CSNK1G3: variants seen among roughly 807,000 people sequenced by gnomAD.
CSNK1G3 encodes the protein casein kinase 1 gamma 3, also known as casein kinase I isoform gamma-3.
CSNK1G3 carries 23 observed loss-of-function variants against 64.3 expected under a neutral mutation model. The observed-to-expected ratio is 0.36, with a 90% confidence interval of 0.26 to 0.51. The LOEUF is 0.51. Ranked by LOEUF, CSNK1G3 falls within the 20% of genes least tolerant of loss-of-function variation. CSNK1G3 has a pLI of 0.96. For missense variants in CSNK1G3, 357 were observed against 510.5 expected (o/e 0.70, Z 2.90); for synonymous variants, 158 against 162.2 (o/e 0.97, Z 0.20).
intron 9 of CSNK1G3, 105 bp downstream of exon 9, chr5:123,590,663 G>C (rs1792170512): frequency 1.4e-6 from 1 of 728,062 alleles, no homozygotes; most frequent in Admixed American, 3.1e-5. Flanking sequence ...TGTTTTAAAG[G>C]ATTCATTTTA....
intron 12 of CSNK1G3, among the ~76,000 whole-genome samples, chr5:123,606,783 A>G (rs1308031173): frequency 6.6e-6 from 1 of 152,140 alleles, no homozygotes; most frequent in East Asian, 1.9e-4. Context: ...AATAAAATCT[A>G]TTACATTTAT....
chr5:123,590,544 A>G (rs1792145515), exon 9 of CSNK1G3: 3 of 1,510,752 alleles, frequency 2.0e-6, no homozygotes, highest in South Asian at 1.4e-5. Flanking sequence ...ATATGACTGG[A>G]TTGGTAAACA....
intron 6 of CSNK1G3, among the ~76,000 whole-genome samples, chr5:123,587,129 T>C (rs1002519396): frequency 6.6e-6 from 1 of 152,180 alleles, no homozygotes; most frequent in Non-Finnish European, 1.5e-5. Flanking sequence ...TCAACAAGTA[T>C]AGAATGTTTA....
intron 4 of CSNK1G3, among the ~76,000 whole-genome samples, chr5:123,565,006 A>C (rs1786550381): frequency 6.6e-6 from 1 of 152,214 alleles, no homozygotes; most frequent in Non-Finnish European, 1.5e-5. Flanking sequence ...CCATATTAGA[A>C]ATTAACACAG....
intron 1 of CSNK1G3, among the ~76,000 whole-genome samples, chr5:123,539,685 T>G (rs1379408662): frequency 6.6e-6 from 1 of 152,230 alleles, no homozygotes; most frequent in East Asian, 1.9e-4. Flanking sequence ...AGGATTGTGC[T>G]GATCTCACAA....
At chr5:123,587,953 A>T in intron 6 of CSNK1G3, 115 bp from the exon 7 acceptor site, 2 of 637,482 alleles carry the variant, frequency 3.1e-6, no homozygotes, top group Non-Finnish European at 5.4e-6. Context: ...TGTATTTTGT[A>T]TTTATATGTT....
intron 1 of CSNK1G3, among the ~76,000 whole-genome samples, chr5:123,532,842 G>A (rs1024089749): frequency 1.3e-4 from 19 of 151,964 alleles, no homozygotes; most frequent in Non-Finnish European, 2.8e-4. Flanking sequence ...AGAAATATAA[G>A]CAATAGTCTC....
intron 1 of CSNK1G3, among the ~76,000 whole-genome samples, chr5:123,519,481 T>A (rs1777728211): frequency 6.6e-6 from 1 of 152,234 alleles, no homozygotes. Flanking sequence ...GCCATTTAAT[T>A]TTACATTAAA....
intron 1 of CSNK1G3, among the ~76,000 whole-genome samples, chr5:123,519,530 A>C (rs1437359436): frequency 1.3e-5 from 2 of 151,836 alleles, no homozygotes; most frequent in Admixed American, 1.3e-4. Flanking sequence ...TTTTTTCTGC[A>C]TTGTTGCTTT....
intron 4 of CSNK1G3, among the ~76,000 whole-genome samples, chr5:123,568,486 T>A (rs1428037112): frequency 6.6e-6 from 1 of 152,208 alleles, no homozygotes; most frequent in African/African-American, 2.4e-5. Flanking sequence ...GATGTTTTTT[T>A]AAAAAATGTT....
intron 12 of CSNK1G3, among the ~76,000 whole-genome samples, chr5:123,606,191 T>C (rs899223599): frequency 2.0e-5 from 3 of 152,140 alleles, no homozygotes; most frequent in Admixed American, 1.3e-4. Flanking sequence ...GAATCCATTT[T>C]AATCACTTTT....
intron 10 of CSNK1G3, among the ~76,000 whole-genome samples, chr5:123,596,680 T>G (rs2151050483): frequency 6.6e-6 from 1 of 152,280 alleles, no homozygotes; most frequent in Non-Finnish European, 1.5e-5. Context: ...TGCTCGTTTC[T>G]CATTATTTCT....
chr5:123,548,459 C>CAAAAA (rs58778870), intron 2 of CSNK1G3, among the ~76,000 whole-genome samples: 2 of 79,280 alleles, frequency 2.5e-5, no homozygotes, highest in African/African-American at 4.6e-5. Flanking sequence ...GACTCTGTCT[C>CAAAAA]AAAAAAAAAA....
intron 6 of CSNK1G3, 84 bp from the exon 7 acceptor site, chr5:123,587,984 A>G (rs1791636354): frequency 1.2e-6 from 1 of 841,488 alleles, no homozygotes; most frequent in African/African-American, 1.8e-5. Flanking sequence ...AAATTAATTT[A>G]TACATAATGA....
chr5:123,567,322 C>A (rs543794044), intron 4 of CSNK1G3, among the ~76,000 whole-genome samples: 10 of 152,096 alleles, frequency 6.6e-5, no homozygotes, highest in Non-Finnish European at 1.5e-4. Context: ...ATTTTAAGGC[C>A]AGGCGTGGTG....
intron 1 of CSNK1G3, among the ~76,000 whole-genome samples, chr5:123,534,029 T>C (rs529561082): frequency 6.6e-6 from 1 of 152,100 alleles, no homozygotes; most frequent in South Asian, 2.1e-4. Context: ...ATGGGGTTTA[T>C]TGACTAGAAA....
At chr5:123,605,312 TA>T in intron 11 of CSNK1G3, 26 bp from the exon 13 acceptor site, 1 of 1,579,898 alleles carries the variant, frequency 6.3e-7, no homozygotes, top group African/African-American at 1.4e-5. Context: ...TTTTTCCTTG[TA>T]TTTTTTTTTT....
intron 5 of CSNK1G3, among the ~76,000 whole-genome samples, chr5:123,574,971 C>T (rs1788886842): frequency 6.6e-6 from 1 of 151,800 alleles, no homozygotes; most frequent in Non-Finnish European, 1.5e-5. Context: ...GTTTGTTAAA[C>T]AAACTAGAAT....
At position 123,588,166 on chromosome 5, in the gene CSNK1G3, G is replaced by C; in HGVS notation, c.759+13G>C. On this transcript the variant is annotated intron_variant, in intron 7 of 12. Transcript: ENST00000345990. ...GCAAGGCTTAAAGGTAATTGTTTTT[G>C]TGTTTCTTTATTGAATTTCATAAAA... The C allele has an allele frequency of 1.9e-6, 3 of 1,550,194 alleles. No individual in the cohort carries two copies. The highest frequency in any genetic ancestry group is 2.7e-6 in the Non-Finnish European group (3 of 1,124,466).
Sources: gnomAD v4.1 joint callset for allele counts (sites outside exome capture counted in the v4.1 genomes callset) on GRCh38, gnomAD v4.1.1 for gene constraint, MANE v1.5 for transcripts, NCBI Gene and HGNC (gene_info 2026-07-23, HGNC 2026-07-21) for gene names.